Variants in SACM1L observed in about 807,000 individuals in gnomAD.
SACM1L encodes the protein phosphatidylinositol-3-phosphatase SAC1.
In SACM1L, 32 loss-of-function variants were observed where a neutral mutation model predicts 89.5. The ratio of observed to expected loss-of-function variants is 0.36; its 90% CI spans 0.27 to 0.48. The LOEUF is 0.48. SACM1L is among the 20% of genes least tolerant of loss of function. The pLI is 0.99. For synonymous variants in SACM1L, 213 were observed against 232.8 expected (o/e 0.92, Z 0.77); for missense variants, 543 against 708.5 (o/e 0.77, Z 2.65).
chr3:45,737,695 A>T (rs751561540), intron 15 of SACM1L, 43 bp downstream of exon 15: 1 of 1,576,038 alleles, frequency 6.3e-7, no homozygotes, highest in African/African-American at 1.4e-5. Flanking sequence ...TCAGATTTTG[A>T]AATAAATTAA....
intron 1 of SACM1L, among the ~76,000 whole-genome samples, chr3:45,695,132 G>A (rs1404057942): frequency 6.6e-6 from 1 of 152,164 alleles, no homozygotes; most frequent in Non-Finnish European, 1.5e-5. Flanking sequence ...TTCTGCCTAT[G>A]AGTGTAGTAT....
At chr3:45,690,369 C>T (rs1172597649) in intron 1 of SACM1L, 1 of 152,182 alleles carries the variant, frequency 6.6e-6, no homozygotes, top group African/African-American at 2.4e-5. Context: ...ATCTGGTGGC[C>T]ACAGCCTGGG....
chr3:45,709,535 A>G lies in SACM1L; in HGVS notation c.371A>G (p.His124Arg), dbSNP rs1431918055. 19 of 1,613,468 alleles carry G rather than the reference A, an allele frequency of 1.2e-5. No individual in the cohort carries two copies. The highest frequency in any genetic ancestry group is 2.2e-5 in the East Asian group (1 of 44,872). Residue 124 changes from histidine (H) to arginine (R), a missense_variant, in exon 5 of 20, where the codon CAT (histidine) becomes CGT (arginine). By Grantham distance (29) the His-to-Arg change is conservative. Transcript: ENST00000389061. ...AAAACCTTCCTAGCGATGCTAAACC[A>G]TGTCTTGAATGTGGATGGATTTTAC... ...DNKTFLAMLN[H>R]VLNVDGFYFS... is the part of the protein sequence containing the mutation.
chr3:45,704,738 A>G (rs1575389654), intron 2 of SACM1L, among the ~76,000 whole-genome samples: 1 of 152,308 alleles, frequency 6.6e-6, no homozygotes, highest in Admixed American at 6.5e-5. Flanking sequence ...TTTGAATGTA[A>G]AGATGATGAT....
chr3:45,734,014 T>A (rs2531752), intron 13 of SACM1L, among the ~76,000 whole-genome samples: 12,068 of 152,222 alleles, frequency 0.079, 654 homozygotes, highest in Non-Finnish European at 0.12. Flanking sequence ...AGTGCAGACA[T>A]CTGGATGTTT....
chr3:45,738,424 A>G (rs550769793), intron 16 of SACM1L, among the ~76,000 whole-genome samples, 154 bp from the exon 17 acceptor site: 1 of 152,322 alleles, frequency 6.6e-6, no homozygotes, highest in Non-Finnish European at 1.5e-5. Context: ...TCTTGGACCT[A>G]CAAGTGATTT....
intron 11 of SACM1L, among the ~76,000 whole-genome samples, chr3:45,727,994 ATT>A (rs1698963361): frequency 6.6e-6 from 1 of 152,186 alleles, no homozygotes; most frequent in African/African-American, 2.4e-5. Flanking sequence ...TATGTTTATA[ATT>A]GTATCTTCTT....
At chr3:45,737,877 C>G in intron 16 of SACM1L, 33 bp downstream of exon 16, 1 of 1,533,504 alleles carries the variant, frequency 6.5e-7, no homozygotes, top group Non-Finnish European at 9.0e-7. Context: ...CATTCCACAT[C>G]AGTAGTTCAC....
At chr3:45,736,407 C>T (rs532305978) in intron 14 of SACM1L, among the ~76,000 whole-genome samples, 1 of 152,290 alleles carries the variant, frequency 6.6e-6, no homozygotes, top group Non-Finnish European at 1.5e-5. Flanking sequence ...GAGGGGCAGA[C>T]AAAATGCATA....
chr3:45,699,229 A>G (rs1177676449), intron 1 of SACM1L, among the ~76,000 whole-genome samples: 1 of 152,072 alleles, frequency 6.6e-6, no homozygotes, highest in Non-Finnish European at 1.5e-5. Flanking sequence ...ACATGTATAC[A>G]TATGTAACTA....
At chr3:45,730,564 C>T (rs1412774010) in intron 11 of SACM1L, 1 of 152,244 alleles carries the variant, frequency 6.6e-6, no homozygotes, top group East Asian at 1.9e-4. Flanking sequence ...TATGCTGGGG[C>T]AGTCCTTTGC....
At chr3:45,717,118 A>G (rs921086711) in intron 7 of SACM1L, among the ~76,000 whole-genome samples, 4 of 152,348 alleles carry the variant, frequency 2.6e-5, no homozygotes, top group East Asian at 1.9e-4. Context: ...TGGGAGCTCA[A>G]GAGGAGCCCT....
At chr3:45,739,701 C>A in intron 19 of SACM1L, 57 bp downstream of exon 19, 9 of 1,521,826 alleles carry the variant, frequency 5.9e-6, no homozygotes, top group Non-Finnish European at 8.2e-6. Flanking sequence ...TCTTTTACAA[C>A]ATCTTAAGTT....
At chr3:45,714,682 A>G (rs1559542918) in intron 7 of SACM1L, among the ~76,000 whole-genome samples, 2 of 152,228 alleles carry the variant, frequency 1.3e-5, no homozygotes, top group Admixed American at 6.5e-5. Flanking sequence ...ATAAATGAAA[A>G]TAAGTAGAGT....
intron 14 of SACM1L, among the ~76,000 whole-genome samples, chr3:45,736,414 C>T (rs1699197726): frequency 6.6e-6 from 1 of 152,208 alleles, no homozygotes; most frequent in Non-Finnish European, 1.5e-5. Context: ...AGACAAAATG[C>T]ATACCACATG....
chr3:45,712,804 G>C (rs1289379795), intron 5 of SACM1L, among the ~76,000 whole-genome samples: 3 of 114,438 alleles, frequency 2.6e-5, no homozygotes, highest in Non-Finnish European at 6.1e-5. Context: ...GGCAAGGGAA[G>C]GTGTGTTAGT....
At position 45,737,644 on chromosome 3, in the gene SACM1L, A is replaced by G. The variant is rs1468542; in HGVS notation, c.1301A>G (p.Tyr434Cys). 2 of 1,590,208 alleles carry G rather than the reference A, an allele frequency of 1.3e-6. No homozygotes were observed. Among genetic ancestry groups the G allele is most frequent in the Non-Finnish European group, 1.7e-6 (2 of 1,173,858 alleles). ...GAACAAGATGAATTTGAGAAGATTT[A>G]CAAAAATGGTAGGTCATTTCTTTAA... Reference protein sequence around the residue: ...LEEQDEFEKIYKNAWADNANA... With the variant: ...LEEQDEFEKICKNAWADNANA... Residue 434 changes from tyrosine (Y) to cysteine (C), a missense_variant, in exon 15 of 20, where the codon TAC becomes TGC. Physicochemically the swap from Tyr to Cys is radical, Grantham distance 194 (BLOSUM62 -2). Transcript: ENST00000389061.
In SACM1L at chr3:45,735,382, GC is replaced by G; in HGVS notation, c.1239+10del. ...TTCAGGCCCAACTTCAGGTGCGAAT[GC>G]TTTTTTTTTTTTTAATTGAAAAACA... On this transcript the variant is annotated intron_variant, in intron 14 of 19. Coordinates refer to ENST00000389061, the MANE Select transcript of SACM1L (RefSeq NM_014016.5). 1 of 1,467,048 alleles carries G rather than the reference GC, an allele frequency of 6.8e-7. No individual in the cohort carries two copies. Among genetic ancestry groups the G allele is most frequent in the African/African-American group, 1.5e-5 (1 of 66,972 alleles). The allele number at this position is 1,467,048 out of a possible 1,614,324, so 90.9% of individuals were successfully genotyped here. A position where few individuals can be genotyped will look rare whatever the true frequency, so the allele number is the denominator to read the frequency against.
chr3:45,738,704 C>T (rs771541485), intron 17 of SACM1L, 33 bp downstream of exon 17: 9 of 1,535,190 alleles, frequency 5.9e-6, no homozygotes, highest in East Asian at 4.5e-5. Context: ...CCTGGCATTA[C>T]GTGGTTGTAT....
Sources: allele counts gnomAD v4.1 joint callset (sites outside exome capture counted in the v4.1 genomes callset), GRCh38; gene constraint gnomAD v4.1.1; transcripts MANE v1.5; gene names NCBI Gene and HGNC (gene_info 2026-07-23, HGNC 2026-07-21).